CMC1: variants seen among roughly 807,000 people sequenced by gnomAD.
CMC1 encodes the protein COX assembly mitochondrial protein homolog.
CMC1 carries 14 observed loss-of-function variants against 14.1 expected under a neutral mutation model. The observed-to-expected ratio is 0.99, with a 90% confidence interval of 0.66 to 1.55. The LOEUF is 1.55. Ranked by LOEUF, CMC1 falls within the 40% of genes most tolerant of loss-of-function variation. The pLI is 0.00. For synonymous variants in CMC1, 50 were observed against 38.4 expected (o/e 1.30, Z -1.12); for missense variants, 127 against 123.8 (o/e 1.03, Z -0.12).
At chr3:28,299,031 G>A (rs1343938300) in intron 2 of CMC1, among the ~76,000 whole-genome samples, 1 of 151,982 alleles carries the variant, frequency 6.6e-6, no homozygotes, top group Admixed American at 6.6e-5. Flanking sequence ...CTAACTACTT[G>A]AGCTGATAAA....
At position 28,324,736 on chromosome 3, in the gene CMC1, C is replaced by T; in HGVS notation, c.*5107C>T. 3.5e-6 allele frequency: 1 copy of T among 285,516 alleles called. No individual in the cohort carries two copies. Among genetic ancestry groups the T allele is most frequent in the Non-Finnish European group, 6.5e-6 (1 of 154,076 alleles). 17.7% of individuals were successfully genotyped at this position (285,516 alleles called of 1,614,324 possible). On this transcript the variant is annotated 3_prime_UTR_variant, in exon 4 of 4. Transcript: ENST00000466830. ...TATAGAATTCCTGTCCCAACTATGT[C>T]ATAGAGCTTTTAAAAGATGAAGAAC...
At chr3:28,279,743 A>G (rs1700774956) in intron 2 of CMC1, among the ~76,000 whole-genome samples, 1 of 152,118 alleles carries the variant, frequency 6.6e-6, no homozygotes, top group Non-Finnish European at 1.5e-5. Context: ...ACCTAAACAG[A>G]GAGGGGAAAA....
intron 2 of CMC1, among the ~76,000 whole-genome samples, chr3:28,292,576 C>A (rs1701528889): frequency 6.6e-6 from 1 of 151,984 alleles, no homozygotes; most frequent in Non-Finnish European, 1.5e-5. Flanking sequence ...TAGTCTCATT[C>A]CCTTTCTTGA....
In CMC1 at chr3:28,321,964, C is replaced by G. The variant is rs1392423010; in HGVS notation, c.*2335C>G. 6.6e-6 allele frequency: 1 copy of G among 151,184 alleles called. No individual in the cohort carries two copies. The highest frequency in any genetic ancestry group is 1.5e-5 in the Non-Finnish European group (1 of 67,470). 9.4% of individuals were successfully genotyped at this position (151,184 alleles called of 1,614,324 possible). A position where few individuals can be genotyped will look rare whatever the true frequency, so the allele number is the denominator to read the frequency against. ...GGAAGCTCTTTAGAGCAAGTTTCAGCTAGTATGAAAGAAGTCAACATAAAA... is the reference window on the plus strand; with the variant it reads ...GGAAGCTCTTTAGAGCAAGTTTCAGGTAGTATGAAAGAAGTCAACATAAAA... On this transcript the variant is annotated 3_prime_UTR_variant, in exon 4 of 4. Coordinates refer to ENST00000466830, the MANE Select transcript of CMC1 (RefSeq NM_182523.2).
intron 2 of CMC1, among the ~76,000 whole-genome samples, chr3:28,311,362 G>A (rs566590050): frequency 3.3e-5 from 5 of 152,168 alleles, no homozygotes; most frequent in South Asian, 2.1e-4. Context: ...TGCAGAGGTC[G>A]CAGGGAGACC....
At chr3:28,287,301 TTCTC>T (rs1701236646) in intron 2 of CMC1, among the ~76,000 whole-genome samples, 1 of 152,140 alleles carries the variant, frequency 6.6e-6, no homozygotes, top group South Asian at 2.1e-4. Flanking sequence ...GTAAGACTAT[TTCTC>T]TCAGTTTGAA....
intron 2 of CMC1, among the ~76,000 whole-genome samples, chr3:28,310,926 TG>T (rs1702607441): frequency 6.6e-6 from 1 of 151,882 alleles, no homozygotes; most frequent in African/African-American, 2.4e-5. Flanking sequence ...TGTGCTCCTA[TG>T]AGAATCTAAT....
Position 28,241,660 on chromosome 3 carries a change from C to G in CMC1, c.-134C>G. The G allele has an allele frequency of 8.1e-7, 1 of 1,233,908 alleles. No homozygotes were observed. Among genetic ancestry groups the G allele is most frequent in the Non-Finnish European group, 1.0e-6 (1 of 987,828 alleles). The allele number at this position is 1,233,908 out of a possible 1,614,324, so 76.4% of individuals were successfully genotyped here. On this transcript the variant is annotated 5_prime_UTR_variant, in exon 1 of 4. Transcript: ENST00000466830. The stretch of plus-strand genomic sequence containing the variant: ...GGGAACGGGTCCTGGCGGTGCTTTG[C>G]AAAGGGCCCGTGTTTCTGTTGCGGG...
chr3:28,316,619 A>G (rs1702938488), intron 3 of CMC1, 196 bp downstream of exon 3: 1 of 371,840 alleles, frequency 2.7e-6, no homozygotes, highest in Non-Finnish European at 4.8e-6. Flanking sequence ...TTTTCTCAGC[A>G]TTGTATCTGA....
intron 2 of CMC1, among the ~76,000 whole-genome samples, chr3:28,286,017 G>A (rs768701366): frequency 2.0e-5 from 3 of 151,822 alleles, no homozygotes; most frequent in Non-Finnish European, 4.4e-5. Context: ...TGCCTGCCTC[G>A]GCCTCCCAAA....
At chr3:28,261,015 A>T (rs1699711007) in intron 1 of CMC1, among the ~76,000 whole-genome samples, 1 of 152,206 alleles carries the variant, frequency 6.6e-6, no homozygotes, top group South Asian at 2.1e-4. Flanking sequence ...ATTGTGGTTT[A>T]TCTTAGTAGA....
intron 2 of CMC1, among the ~76,000 whole-genome samples, chr3:28,310,538 A>C (rs920237519): frequency 7.9e-5 from 12 of 152,358 alleles, no homozygotes; most frequent in Non-Finnish European, 1.3e-4. Flanking sequence ...TCATGAAGAC[A>C]GGAATGTAGA....
At chr3:28,286,859 T>C (rs1476507576) in intron 2 of CMC1, among the ~76,000 whole-genome samples, 1 of 151,554 alleles carries the variant, frequency 6.6e-6, no homozygotes, top group Non-Finnish European at 1.5e-5. Flanking sequence ...GTAGATCTGC[T>C]GAATGTGGGA....
chr3:28,262,999 C>A, intron 1 of CMC1: 1 of 261,486 alleles, frequency 3.8e-6, no homozygotes, highest in South Asian at 5.2e-5. Context: ...GATTTAGATG[C>A]CAACTTTGAC....
At chr3:28,280,024 A>G (rs1700799434) in intron 2 of CMC1, among the ~76,000 whole-genome samples, 1 of 152,242 alleles carries the variant, frequency 6.6e-6, no homozygotes, top group African/African-American at 2.4e-5. Flanking sequence ...CGTCTCAAAA[A>G]AAGAAGAGAT....
Position 28,324,499 on chromosome 3 carries a change from T to C in CMC1, c.*4870T>C. The stretch of plus-strand genomic sequence containing the variant: ...TAAATGTCAGTTTTCATTACATTTG[T>C]GATCATAAAATTCGATAACACTTCA... On this transcript the variant is annotated 3_prime_UTR_variant, in exon 4 of 4. Coordinates refer to ENST00000466830, the MANE Select transcript of CMC1 (RefSeq NM_182523.2). 7.1e-7 allele frequency: 1 copy of C among 1,399,946 alleles called. No homozygotes were observed. Among genetic ancestry groups the C allele is most frequent in the Non-Finnish European group, 9.4e-7 (1 of 1,064,250 alleles). The allele number at this position is 1,399,946 out of a possible 1,614,324, so 86.7% of individuals were successfully genotyped here.
chr3:28,244,200 G>A (rs1410358339), intron 1 of CMC1, among the ~76,000 whole-genome samples: 1 of 152,144 alleles, frequency 6.6e-6, no homozygotes, highest in Non-Finnish European at 1.5e-5. Flanking sequence ...TTTTAAAGAG[G>A]GCAGTAACAT....
intron 2 of CMC1, among the ~76,000 whole-genome samples, chr3:28,300,614 C>T: frequency 7.8e-6 from 1 of 127,650 alleles, no homozygotes; most frequent in Non-Finnish European, 1.6e-5. Context: ...TTCCTTCCTC[C>T]CTCCCTCCCT....
chr3:28,255,793 T>G (rs1321534931), intron 1 of CMC1, among the ~76,000 whole-genome samples: 1 of 151,492 alleles, frequency 6.6e-6, no homozygotes, highest in Non-Finnish European at 1.5e-5. Context: ...ATGTTTATAC[T>G]CTGGTTCTTA....
Sources: gnomAD v4.1 joint callset for allele counts (sites outside exome capture counted in the v4.1 genomes callset) on GRCh38, gnomAD v4.1.1 for gene constraint, MANE v1.5 for transcripts, NCBI Gene and HGNC (gene_info 2026-07-23, HGNC 2026-07-21) for gene names.